The following WWOX variants were observed in gnomAD, a reference collection of about 807,000 sequenced individuals.
The protein encoded by WWOX is WW domain-containing oxidoreductase.
WWOX carries 69 observed loss-of-function variants against 46.2 expected under a neutral mutation model. That is an observed-to-expected ratio of 1.49 (90% CI 1.23 to 1.82). The LOEUF (loss-of-function observed/expected upper bound fraction) is 1.82. WWOX is among the 40% of genes most tolerant of loss of function. The pLI is 0.00. For synonymous variants in WWOX, 359 were observed against 202.6 expected (o/e 1.77, Z -6.56); for missense variants, 919 against 542.6 (o/e 1.69, Z -6.89).
At position 78,348,255 on chromosome 16, in the gene WWOX, G is replaced by A. The variant is rs530837706; in HGVS notation, c.517-38605G>A. Among the ~76,000 whole-genome samples the A allele has an allele frequency of 2.7e-4, 33 of 121,130 alleles. 9 individuals carry two copies. Among genetic ancestry groups the A allele is most frequent in the Non-Finnish European group, 5.5e-4 (28 of 50,736 alleles). The allele number at this position is 121,130 out of a possible 152,430, so 79.5% of individuals were successfully genotyped here. ...CATGTACTGTGACTGTAATAAAGAG[G>A]GTTGTAAGTAGAGAAGCTGGAATTT... On this transcript the variant is annotated intron_variant, in intron 5 of 8. Transcript: ENST00000566780.
At chr16:78,451,529 C>T (rs1022398576) in intron 8 of WWOX, among the ~76,000 whole-genome samples, 1 of 152,124 alleles carries the variant, frequency 6.6e-6, no homozygotes, top group African/African-American at 2.4e-5. Context: ...TGGAATGAAT[C>T]CCAGCCCTTC....
intron 8 of WWOX, among the ~76,000 whole-genome samples, chr16:79,178,246 TACAAAAA>T (rs1217471228): frequency 6.6e-6 from 1 of 152,186 alleles, no homozygotes; most frequent in Non-Finnish European, 1.5e-5. Flanking sequence ...TAGTTTTATT[TACAAAAA>T]ACAAAAAACA....
chr16:78,795,277 T>C (rs1389984065), intron 8 of WWOX, among the ~76,000 whole-genome samples: 2 of 152,316 alleles, frequency 1.3e-5, no homozygotes, highest in South Asian at 2.1e-4. Flanking sequence ...AAATACTTTA[T>C]ATAATTTACT....
intron 8 of WWOX, among the ~76,000 whole-genome samples, chr16:78,495,145 C>CTTTTTTTTTTTTTTTTTTTTT (rs71140804): frequency 8.6e-6 from 1 of 116,616 alleles, no homozygotes; most frequent in African/African-American, 2.9e-5. Flanking sequence ...CTGTTGTGTT[C>CTTTTTTTTTTTTTTTTTTTTT]TTTTTTTTTT....
rs1329388781 is a variant in WWOX, at chr16:78,264,270, C to T, written c.516+99981C>T. Among the ~76,000 whole-genome samples the T allele has an allele frequency of 5.3e-5, 8 of 152,142 alleles. No individual in the cohort carries two copies. In the South Asian group the frequency reaches 1.5e-3, roughly 28 times the overall value. On this transcript the variant is annotated intron_variant, in intron 5 of 8. Coordinates refer to ENST00000566780, the MANE Select transcript of WWOX (RefSeq NM_016373.4). ...GAAAGCCTACTTTGGGCCACCACAT[C>T]AGTGTGTTGGGAGATGAGTTAAGAG...
chr16:78,896,169 G>C (rs779910480), intron 8 of WWOX: 20 of 151,632 alleles, frequency 1.3e-4, no homozygotes, highest in Non-Finnish European at 2.5e-4. Flanking sequence ...AAGAAATAAA[G>C]TGTGCTGAAT....
At chr16:78,384,180 G>C (rs79542792) in intron 5 of WWOX, among the ~76,000 whole-genome samples, 2 of 152,166 alleles carry the variant, frequency 1.3e-5, no homozygotes, top group Admixed American at 1.3e-4. Flanking sequence ...GGGCTTGGCT[G>C]AGCAGAGCAA....
intron 8 of WWOX, among the ~76,000 whole-genome samples, chr16:78,783,233 T>C (rs2050373668): frequency 6.6e-6 from 1 of 152,226 alleles, no homozygotes; most frequent in Non-Finnish European, 1.5e-5. Flanking sequence ...ACTGTTCTCT[T>C]AGTCATCAGA....
intron 8 of WWOX, among the ~76,000 whole-genome samples, chr16:78,542,851 A>C (rs779000609): frequency 6.6e-6 from 1 of 152,216 alleles, no homozygotes; most frequent in Non-Finnish European, 1.5e-5. Flanking sequence ...TTCTCAGTTA[A>C]AACCCAAACG....
At chr16:78,690,645 A>C (rs2047963694) in intron 8 of WWOX, among the ~76,000 whole-genome samples, 1 of 148,612 alleles carries the variant, frequency 6.7e-6, no homozygotes, top group East Asian at 1.9e-4. Context: ...TCACAGTTGC[A>C]AACTCAGAAG....
chr16:78,821,483 G>T (rs1226019917), intron 8 of WWOX, among the ~76,000 whole-genome samples: 1 of 152,296 alleles, frequency 6.6e-6, no homozygotes, highest in South Asian at 2.1e-4. Flanking sequence ...TGTGATCCTG[G>T]CCTTTGTCCA....
intron 8 of WWOX, among the ~76,000 whole-genome samples, chr16:79,057,525 C>T (rs1218326092): frequency 6.6e-6 from 1 of 152,086 alleles, no homozygotes; most frequent in Non-Finnish European, 1.5e-5. Flanking sequence ...TGAGCTGAGC[C>T]GCACTTGGAG....
intron 8 of WWOX, among the ~76,000 whole-genome samples, chr16:78,455,643 C>CAAAAAAA (rs57754374): frequency 1.5e-4 from 9 of 60,518 alleles, no homozygotes; most frequent in Non-Finnish European, 1.7e-4. Context: ...GACTCTGTCT[C>CAAAAAAA]AAAAAAAAAA....
intron 8 of WWOX, among the ~76,000 whole-genome samples, chr16:78,513,302 G>A (rs1305655914): frequency 6.6e-6 from 1 of 152,228 alleles, no homozygotes; most frequent in Non-Finnish European, 1.5e-5. Context: ...ATTTGTAGGA[G>A]CTTGAATATT....
rs1383409404 is a variant in WWOX, at chr16:78,121,210, G to A, written c.409+6056G>A. Among the ~76,000 whole-genome samples the A allele has an allele frequency of 2.0e-5, 3 of 152,114 alleles. No individual in the cohort carries two copies. In the South Asian group the frequency reaches 6.2e-4, roughly 31 times the overall value. ...CTCATTAAGGAAAGGAAAATATTCT[G>A]AAATAATCGAAATAACCTTTTGGGC... On this transcript the variant is annotated intron_variant, in intron 4 of 8. Transcript: ENST00000566780.
chr16:78,156,623 C>T lies in WWOX; in HGVS notation c.410-7560C>T, dbSNP rs539786408. On this transcript the variant is annotated intron_variant, in intron 4 of 8. Transcript: ENST00000566780. ...AGGCTCAAGGAGCTTACCTGAGAAA[C>T]TGGATAAATAAAGCTCTGTACTGGG... Among the ~76,000 whole-genome samples, 451 of 152,226 alleles carry T rather than the reference C, an allele frequency of 3.0e-3. 2 individuals are homozygous for T. Among genetic ancestry groups the T allele is most frequent in the African/African-American group, 0.01 (431 of 41,540 alleles).
intron 5 of WWOX, among the ~76,000 whole-genome samples, chr16:78,381,956 T>G (rs761142915): frequency 2.0e-5 from 3 of 152,160 alleles, no homozygotes; most frequent in Admixed American, 6.6e-5. Context: ...GCCTCGACTT[T>G]CCAGGTTCAA....
intron 5 of WWOX, among the ~76,000 whole-genome samples, chr16:78,384,766 C>A (rs774385328): frequency 2.0e-5 from 3 of 152,202 alleles, no homozygotes; most frequent in Non-Finnish European, 2.9e-5. Context: ...TCTGTGTTTG[C>A]CAGTTTGCCT....
chr16:79,100,310 AT>A (rs1200497194), intron 8 of WWOX, among the ~76,000 whole-genome samples: 2 of 152,192 alleles, frequency 1.3e-5, no homozygotes, highest in Non-Finnish European at 2.9e-5. Flanking sequence ...ATTTTTCTGA[AT>A]TTTTGTTCCT....
Sources: gnomAD v4.1 joint callset for allele counts (sites outside exome capture counted in the v4.1 genomes callset) on GRCh38, gnomAD v4.1.1 for gene constraint, MANE v1.5 for transcripts, NCBI Gene and HGNC (gene_info 2026-07-23, HGNC 2026-07-21) for gene names.